LMO3: variants seen among roughly 807,000 people sequenced by gnomAD.
LMO3 encodes LIM domain only 3, also known as LIM domain only protein 3.
In LMO3, 2 loss-of-function variants were observed where a neutral mutation model predicts 15.8. The observed-to-expected ratio is 0.13, with a 90% CI of 0.05 to 0.40. The LOEUF is 0.40. Ranked by LOEUF, LMO3 falls within the 10% of genes least tolerant of loss-of-function variation. The pLI is 0.99. For missense variants in LMO3, 86 were observed against 182.2 expected (o/e 0.47, Z 3.04); for synonymous variants, 62 against 63.8 (o/e 0.97, Z 0.13).
intron 3 of LMO3, among the ~76,000 whole-genome samples, chr12:16,553,726 C>CATAT (rs542865307): frequency 1.3e-5 from 2 of 152,150 alleles, no homozygotes; most frequent in East Asian, 3.9e-4. Context: ...AAAAATGCTT[C>CATAT]ATATATAAAT....
Position 16,582,596 on chromosome 12 carries a change from C to T in LMO3, c.206+18059G>A, listed in dbSNP as rs999447636. Among the ~76,000 whole-genome samples, 7 of 152,042 alleles carry T rather than the reference C, an allele frequency of 4.6e-5. No homozygotes were observed. Among genetic ancestry groups the T allele is most frequent in the East Asian group, 1.9e-4 (1 of 5,190 alleles). On this transcript the variant is annotated intron_variant, in intron 2 of 3. Transcript: ENST00000537304. This position sits in a 1 kb window ranked among gnomAD's most constrained non-coding sequence, Gnocchi z 4.1. ...AAGCTTGTTGGAGAGTAATGGGCTA[C>T]GGGTAGAGATTGAGCCATCACAATA...
chr12:16,584,586 G>T lies in LMO3; in HGVS notation c.206+16069C>A, dbSNP rs908566512. ...GATTAACATTGGCAAGTGGAGGAGT[G>T]GGGGGGGTAAGAGGCCTGTTTAGAG... On this transcript the variant is annotated intron_variant, in intron 2 of 3. Coordinates refer to ENST00000537304, the MANE Select transcript of LMO3 (RefSeq NM_018640.5). This position sits in a 1 kb window ranked among gnomAD's most constrained non-coding sequence, Gnocchi z 5.2. 1.0e-4 allele frequency among the ~76,000 whole-genome samples: 14 copies of T among 136,470 alleles called. No homozygotes were observed. The highest frequency in any genetic ancestry group is 6.8e-4 in the South Asian group (3 of 4,430). The allele number at this position is 136,470 out of a possible 152,430, so 89.5% of individuals were successfully genotyped here. A position where few individuals can be genotyped will look rare whatever the true frequency, so the allele number is the denominator to read the frequency against.
Position 16,599,864 on chromosome 12 carries a change from A to C in LMO3, c.206+791T>G, listed in dbSNP as rs1943766551. 1 of 152,140 alleles carries C rather than the reference A, an allele frequency of 6.6e-6. No individual in the cohort carries two copies. Among genetic ancestry groups the C allele is most frequent in the African/African-American group, 2.4e-5 (1 of 41,446 alleles). The allele number at this position is 152,140 out of a possible 1,614,324, so 9.4% of individuals were successfully genotyped here. On this transcript the variant is annotated intron_variant, in intron 2 of 3. Coordinates refer to ENST00000537304, the MANE Select transcript of LMO3 (RefSeq NM_018640.5). The surrounding 1 kb of genome is among the most constrained non-coding windows in gnomAD (Gnocchi z 4.1). ...AAGCATTCAGATGTTTACAGGTTGG[A>C]GAGTGGCTGTCATTTTCCTATAATG...
intron 2 of LMO3, among the ~76,000 whole-genome samples, chr12:16,568,328 A>G (rs1233159189): frequency 6.6e-6 from 1 of 152,224 alleles, no homozygotes; most frequent in Non-Finnish European, 1.5e-5. Context: ...TAGACTTGAG[A>G]TACTCAGAGA....
intron 2 of LMO3, among the ~76,000 whole-genome samples, chr12:16,562,837 T>G (rs1270522946): frequency 6.6e-6 from 1 of 152,214 alleles, no homozygotes; most frequent in East Asian, 1.9e-4. Context: ...CTCTGATGGC[T>G]GCCCGTACGG....
intron 2 of LMO3, chr12:16,600,290 C>CCAAAAAAAAAAAAAAA (rs1943780476): frequency 1.0e-5 from 1 of 96,430 alleles, no homozygotes; most frequent in Non-Finnish European, 2.1e-5. Context: ...CCCTTAAGCT[C>CCAAAAAAAAAAAAAAA]CAAAAAAAAA....
rs1943704963 is a variant in LMO3 at position 16,597,774 on chromosome 12, T to C, written c.206+2881A>G. The C allele has an allele frequency of 6.6e-6, 1 of 151,888 alleles. No individual in the cohort carries two copies. 9.4% of individuals were successfully genotyped at this position (151,888 alleles called of 1,614,324 possible). On this transcript the variant is annotated intron_variant, in intron 2 of 3. Coordinates refer to ENST00000537304, the MANE Select transcript of LMO3 (RefSeq NM_018640.5). This position sits in a 1 kb window ranked among gnomAD's most constrained non-coding sequence, Gnocchi z 5.0. ...CAAAGGGCCAAAAATAAAACAACTT[T>C]TAAAATAGAACTTAAGTGATTAAAC...
At chr12:16,567,273 T>A (rs1447998970) in intron 2 of LMO3, 1 of 160,412 alleles carries the variant, frequency 6.2e-6, no homozygotes, top group Non-Finnish European at 1.3e-5. Context: ...ATTCATGGTA[T>A]TGAGAGAAAG....
chr12:16,565,012 AC>A lies in LMO3; in HGVS notation c.207-4475del, dbSNP rs1942547170. Among the ~76,000 whole-genome samples the A allele has an allele frequency of 2.0e-5, 3 of 152,062 alleles. No homozygotes were observed. The South Asian group carries it at 6.2e-4, about 32-fold the overall frequency. On this transcript the variant is annotated intron_variant, in intron 2 of 3. Coordinates refer to ENST00000537304, the MANE Select transcript of LMO3 (RefSeq NM_018640.5). ...TCTCTGTTGCCCAGGCTGAACTCAC[AC>A]TCTTGGGCTGAAGCCATCCTCCCAA... is the stretch of plus-strand genomic sequence containing the variant.
chr12:16,585,144 G>A lies in LMO3; in HGVS notation c.206+15511C>T, dbSNP rs564528955. ...GTCATGGCTTCCCCCTTTGGGTGGC[G>A]CATGCAAGCCCCAGTTCACAACGTT... is the stretch of plus-strand genomic sequence containing the variant. On this transcript the variant is annotated intron_variant, in intron 2 of 3. Coordinates refer to ENST00000537304, the MANE Select transcript of LMO3 (RefSeq NM_018640.5). The surrounding 1 kb of genome is among the most constrained non-coding windows in gnomAD (Gnocchi z 4.7). 9.9e-5 allele frequency among the ~76,000 whole-genome samples: 15 copies of A among 152,246 alleles called. No homozygotes were observed. Among genetic ancestry groups the A allele is most frequent in the South Asian group, 2.1e-4 (1 of 4,828 alleles).
chr12:16,565,538 T>C (rs1220878606), intron 2 of LMO3, among the ~76,000 whole-genome samples: 1 of 152,154 alleles, frequency 6.6e-6, no homozygotes, highest in Non-Finnish European at 1.5e-5. Flanking sequence ...AAATGTATTA[T>C]GAAAGTTAAA....
At position 16,576,097 on chromosome 12, in the gene LMO3, C is replaced by T. The variant is rs1444424023; in HGVS notation, c.207-15559G>A. Among the ~76,000 whole-genome samples, 1 of 152,164 alleles carries T rather than the reference C, an allele frequency of 6.6e-6. No individual in the cohort carries two copies. The highest frequency in any genetic ancestry group is 1.5e-5 in the Non-Finnish European group (1 of 68,028). ...TCTAGCGCGCATCGCTTCTCCCTTG[C>T]ACTCATACTACAACCTCCCAGCTGA... On this transcript the variant is annotated intron_variant, in intron 2 of 3. Transcript: ENST00000537304. This position sits in a 1 kb window ranked among gnomAD's most constrained non-coding sequence, Gnocchi z 4.1.
At chr12:16,553,153 C>T (rs1317988202) in intron 3 of LMO3, among the ~76,000 whole-genome samples, 1 of 152,072 alleles carries the variant, frequency 6.6e-6, no homozygotes, top group Non-Finnish European at 1.5e-5. Context: ...TTCCCTACAT[C>T]CAACCTAGAA....
chr12:16,605,144 G>T, intron 1 of LMO3: 1 of 1,396,430 alleles, frequency 7.2e-7, no homozygotes, highest in Non-Finnish European at 9.3e-7. Context: ...AAATGATGGC[G>T]AATGACAAAG....
Position 16,561,725 on chromosome 12 carries a change from T to C in LMO3, c.207-1187A>G, listed in dbSNP as rs539480821. 5.0e-4 allele frequency among the ~76,000 whole-genome samples: 76 copies of C among 152,344 alleles called. 1 individual carries two copies. The South Asian group carries it at 0.016, about 32-fold the overall frequency. ...TTTTCAAGTTTATAACTATTTCCTT[T>C]TACCAGGATAATGACAGTTGTTGGA... is the stretch of plus-strand genomic sequence containing the variant. On this transcript the variant is annotated intron_variant, in intron 2 of 3. Coordinates refer to ENST00000537304, the MANE Select transcript of LMO3 (RefSeq NM_018640.5).
chr12:16,573,297 T>C (rs999681861), intron 2 of LMO3, among the ~76,000 whole-genome samples: 2 of 152,134 alleles, frequency 1.3e-5, no homozygotes, highest in Non-Finnish European at 2.9e-5. Context: ...AAGTCAGATA[T>C]AGTTGAAACA....
chr12:16,577,293 TCTCCTA>T (rs1943023279), intron 2 of LMO3, among the ~76,000 whole-genome samples: 1 of 152,176 alleles, frequency 6.6e-6, no homozygotes, highest in East Asian at 1.9e-4. Flanking sequence ...TTTAGGATCA[TCTCCTA>T]AATTTCCTTT....
In LMO3 at chr12:16,589,662, A is replaced by T. The variant is rs904391905; in HGVS notation, c.206+10993T>A. ...CTGACAAGATTATTTCAGATTATTT[A>T]AACACCAAGCAAACTATCAGGTCAA... On this transcript the variant is annotated intron_variant, in intron 2 of 3. Transcript: ENST00000537304. This position sits in a 1 kb window ranked among gnomAD's most constrained non-coding sequence, Gnocchi z 4.2. The T allele has an allele frequency of 1.3e-5, 2 of 152,200 alleles. No individual in the cohort carries two copies. The highest frequency in any genetic ancestry group is 4.8e-5 in the African/African-American group (2 of 41,530). The allele number at this position is 152,200 out of a possible 1,614,324, so 9.4% of individuals were successfully genotyped here. A position where few individuals can be genotyped will look rare whatever the true frequency, so the allele number is the denominator to read the frequency against.
At position 16,594,244 on chromosome 12, in the gene LMO3, T is replaced by A. The variant is rs930386935; in HGVS notation, c.206+6411A>T. ...TATGTGCAGCATGTATGTATATAGA[T>A]CCACACCTCTTCAAATGCTTAACAA... On this transcript the variant is annotated intron_variant, in intron 2 of 3. Transcript: ENST00000537304. 3.7e-5 allele frequency: 57 copies of A among 1,530,116 alleles called. No homozygotes were observed. In the Admixed American group the frequency reaches 8.7e-4, roughly 23 times the overall value. The allele number at this position is 1,530,116 out of a possible 1,614,324, so 94.8% of individuals were successfully genotyped here.
Sources: gnomAD v4.1 joint callset for allele counts (sites outside exome capture counted in the v4.1 genomes callset) on GRCh38, gnomAD v4.1.1 for gene constraint, Gnocchi (gnomAD v3.1) non-coding constraint, MANE v1.5 for transcripts, NCBI Gene and HGNC (gene_info 2026-07-23, HGNC 2026-07-21) for gene names.